Variants in WAC observed in about 807,000 individuals in gnomAD.
WAC encodes the protein WW domain-containing adapter protein with coiled-coil.
Under a neutral mutation model 79.6 loss-of-function variants are expected in WAC, and 11 were observed. The ratio of observed to expected loss-of-function variants is 0.14; its 90% CI spans 0.09 to 0.23. WAC has a LOEUF of 0.23. WAC is among the 10% of genes least tolerant of loss of function. WAC has a pLI of 1.00. For synonymous variants in WAC, 304 were observed against 276.9 expected (o/e 1.10, Z -0.97); for missense variants, 728 against 773.5 (o/e 0.94, Z 0.70).
At chr10:28,599,142 C>G (rs1840518105) in intron 7 of WAC, among the ~76,000 whole-genome samples, 1 of 152,234 alleles carries the variant, frequency 6.6e-6, no homozygotes, top group African/African-American at 2.4e-5. Context: ...TCTATTGACT[C>G]TTCTCATCAG....
intron 3 of WAC, among the ~76,000 whole-genome samples, chr10:28,542,082 C>G (rs1376177624): frequency 1.3e-5 from 2 of 151,748 alleles, no homozygotes; most frequent in Non-Finnish European, 1.5e-5. Context: ...TTGTGCTACT[C>G]TCTCCATACT....
intron 3 of WAC, among the ~76,000 whole-genome samples, chr10:28,569,142 CTA>C (rs1427436556): frequency 2.0e-5 from 3 of 152,160 alleles, no homozygotes; most frequent in Admixed American, 6.5e-5. Context: ...TATAGAAAAA[CTA>C]TAAGGAGACT....
At chr10:28,563,388 A>G (rs1247528080) in intron 3 of WAC, among the ~76,000 whole-genome samples, 1 of 152,166 alleles carries the variant, frequency 6.6e-6, no homozygotes, top group African/African-American at 2.4e-5. Context: ...ATAGTTCTCT[A>G]TTTTAGGAAA....
chr10:28,541,000 T>C (rs934259052), intron 3 of WAC, among the ~76,000 whole-genome samples: 3 of 152,182 alleles, frequency 2.0e-5, no homozygotes, highest in Non-Finnish European at 4.4e-5. Context: ...TTTTAACTTT[T>C]TATATTTTTA....
At chr10:28,612,017 A>G (rs1841263945) in intron 10 of WAC, 95 bp downstream of exon 10, 14 of 1,452,328 alleles carry the variant, frequency 9.6e-6, no homozygotes, top group Non-Finnish European at 1.3e-5. Flanking sequence ...GCCCTCTGAG[A>G]ATGAGGTGTA....
chr10:28,577,173 G>A (rs1382865846), intron 3 of WAC, among the ~76,000 whole-genome samples: 1 of 152,142 alleles, frequency 6.6e-6, no homozygotes, highest in East Asian at 1.9e-4. Context: ...CAGGTTTCTT[G>A]ATATACAGTT....
At chr10:28,592,343 G>A (rs1028932294) in intron 6 of WAC, among the ~76,000 whole-genome samples, 7 of 152,160 alleles carry the variant, frequency 4.6e-5, no homozygotes, top group African/African-American at 1.4e-4. Context: ...GTGACAGATG[G>A]CTGGGTGTGA....
At chr10:28,548,113 G>A (rs1266242684) in intron 3 of WAC, among the ~76,000 whole-genome samples, 1 of 151,764 alleles carries the variant, frequency 6.6e-6, no homozygotes, top group African/African-American at 2.4e-5. Flanking sequence ...AGTAGAAACA[G>A]GGTTTTACCA....
intron 3 of WAC, among the ~76,000 whole-genome samples, chr10:28,570,511 C>T (rs569880581): frequency 3.9e-5 from 6 of 152,286 alleles, no homozygotes; most frequent in African/African-American, 1.2e-4. Flanking sequence ...AGAGTTGATC[C>T]TTAATCACCC....
chr10:28,597,024 A>G (rs1305909629), intron 7 of WAC, among the ~76,000 whole-genome samples: 1 of 152,166 alleles, frequency 6.6e-6, no homozygotes, highest in East Asian at 1.9e-4. Flanking sequence ...AAACTCAACT[A>G]TAAATACATT....
chr10:28,549,335 G>T (rs753766598), intron 3 of WAC, among the ~76,000 whole-genome samples: 25 of 152,178 alleles, frequency 1.6e-4, no homozygotes, highest in Admixed American at 1.2e-3. Context: ...ACCCTACCTG[G>T]GTATAGCTGT....
chr10:28,599,400 G>T (rs1840530040), intron 7 of WAC, among the ~76,000 whole-genome samples: 1 of 152,138 alleles, frequency 6.6e-6, no homozygotes, highest in Non-Finnish European at 1.5e-5. Context: ...TAGGCAGTGT[G>T]TAAATATTTG....
At chr10:28,545,233 C>T (rs568084886) in intron 3 of WAC, among the ~76,000 whole-genome samples, 7 of 151,892 alleles carry the variant, frequency 4.6e-5, no homozygotes, top group African/African-American at 1.7e-4. Context: ...GGGTCATGCA[C>T]GTAATCCCAG....
At chr10:28,559,665 T>G (rs1046247432) in intron 3 of WAC, among the ~76,000 whole-genome samples, 1 of 152,126 alleles carries the variant, frequency 6.6e-6, no homozygotes, top group African/African-American at 2.4e-5. Flanking sequence ...TAACACTGAT[T>G]ATTGTTATCG....
chr10:28,539,774 G>T (rs1836905920), intron 3 of WAC, among the ~76,000 whole-genome samples: 1 of 152,064 alleles, frequency 6.6e-6, no homozygotes, highest in African/African-American at 2.4e-5. Flanking sequence ...GGCCAGGCTG[G>T]TCTCAATCTC....
chr10:28,598,558 A>C (rs903960049), intron 7 of WAC, among the ~76,000 whole-genome samples: 1 of 152,146 alleles, frequency 6.6e-6, no homozygotes, highest in Non-Finnish European at 1.5e-5. Flanking sequence ...TTTGATGCTA[A>C]TTGTCTTATG....
At chr10:28,549,514 C>T (rs902367980) in intron 3 of WAC, among the ~76,000 whole-genome samples, 1 of 152,030 alleles carries the variant, frequency 6.6e-6, no homozygotes, top group Non-Finnish European at 1.5e-5. Flanking sequence ...TTCTTTTTTC[C>T]TGTGTTTATG....
At chr10:28,558,224 T>C (rs920698780) in intron 3 of WAC, among the ~76,000 whole-genome samples, 1 of 152,232 alleles carries the variant, frequency 6.6e-6, no homozygotes, top group African/African-American at 2.4e-5. Context: ...TTTTCTCCTT[T>C]TTTTTTCTGT....
chr10:28,584,572 T>G (rs568509607), intron 4 of WAC, among the ~76,000 whole-genome samples: 214 of 152,206 alleles, frequency 1.4e-3, no homozygotes, highest in Admixed American at 6.4e-3. Flanking sequence ...AGTGTGGAAA[T>G]ATAGGAAAGA....
Sources: allele counts gnomAD v4.1 joint callset (sites outside exome capture counted in the v4.1 genomes callset), GRCh38; gene constraint gnomAD v4.1.1; transcripts MANE v1.5; gene names NCBI Gene and HGNC (gene_info 2026-07-23, HGNC 2026-07-21).